The following PPP2R2C variants were observed in gnomAD, a reference collection of about 807,000 sequenced individuals.
PPP2R2C encodes the protein protein phosphatase 2 regulatory subunit Bgamma, also known as protein phosphatase 2, regulatory subunit B, gamma.
In PPP2R2C, 10 loss-of-function variants were observed where a neutral mutation model predicts 45.3. That is an observed-to-expected ratio of 0.22 (90% confidence interval 0.14 to 0.37). The LOEUF is 0.37. Among genes scored for constraint, PPP2R2C ranks in the 10% least tolerant of loss-of-function variants. PPP2R2C has a pLI of 1.00. For synonymous variants in PPP2R2C, 257 were observed against 245.4 expected (o/e 1.05, Z -0.44); for missense variants, 308 against 619.7 (o/e 0.50, Z 5.34).
At chr4:6,383,370 G>A (rs186685022) in intron 1 of PPP2R2C, 936 of 1,289,834 alleles carry the variant, frequency 7.3e-4, no homozygotes, top group Admixed American at 9.0e-4. Flanking sequence ...TATGCACGGG[G>A]TCTCGTGTTT....
In PPP2R2C at chr4:6,378,394, G is replaced by A; in HGVS notation, c.334+13C>T. On this transcript the variant is annotated intron_variant, in intron 3 of 8. Transcript: ENST00000382599. This position sits in a 1 kb window ranked among gnomAD's most constrained non-coding sequence, Gnocchi z 5.2. ...GCCTGTGCCCATGCAAGCGAGGCCG[G>A]GCAGCGCCTCACCGTTGGTGGACAG... 6.2e-7 allele frequency: 1 copy of A among 1,614,112 alleles called. No homozygotes were observed.
At chr4:6,336,047 C>T (rs967868264) in intron 6 of PPP2R2C, among the ~76,000 whole-genome samples, 1 of 152,122 alleles carries the variant, frequency 6.6e-6, no homozygotes, top group African/African-American at 2.4e-5. Context: ...TCGCTCCTTC[C>T]AGTCCTGGCG....
At position 6,471,811 on chromosome 4, in the gene PPP2R2C, T is replaced by G. The variant is rs1721901514; in HGVS notation, c.70+349A>C. ...AACCATTAAATTTCCCCGAGATTTC[T>G]TCACCAGATTAGCCACAGCCGTGGC... is the stretch of plus-strand genomic sequence containing the variant. On this transcript the variant is annotated intron_variant, in intron 1 of 8. Transcript: ENST00000382599. This position sits in a 1 kb window ranked among gnomAD's most constrained non-coding sequence, Gnocchi z 5.6. 3.7e-6 allele frequency: 1 copy of G among 272,074 alleles called. No homozygotes were observed. Among genetic ancestry groups the G allele is most frequent in the Non-Finnish European group, 7.0e-6 (1 of 143,584 alleles). 16.9% of individuals were successfully genotyped at this position (272,074 alleles called of 1,614,324 possible).
At chr4:6,554,698 A>T (rs1725303028) in intron 1 of PPP2R2C, among the ~76,000 whole-genome samples, 1 of 151,890 alleles carries the variant, frequency 6.6e-6, no homozygotes, top group Non-Finnish European at 1.5e-5. Context: ...TGTCTTTACT[A>T]AAAATACAAA....
Position 6,324,434 on chromosome 4 carries a change from A to AAAAAGAAAAG in PPP2R2C, c.1053-851_1053-842dup, listed in dbSNP as rs59527663. Among the ~76,000 whole-genome samples the AAAAAGAAAAG allele has an allele frequency of 2.0e-5, 3 of 150,868 alleles. No individual in the cohort carries two copies. Among genetic ancestry groups the AAAAAGAAAAG allele is most frequent in the African/African-American group, 7.3e-5 (3 of 41,000 alleles). On this transcript the variant is annotated intron_variant, in intron 8 of 8. Coordinates refer to ENST00000382599, the MANE Select transcript of PPP2R2C (RefSeq NM_020416.4). The surrounding 1 kb of genome is among the most constrained non-coding windows in gnomAD (Gnocchi z 4.1). Reference sequence around the variant, plus strand: ...CAATAAGAGCAAAACTCCGTCTCGAAAAAAGAAAAGAAAAGAAAAGAAAAG... The same window carrying AAAAAGAAAAG: ...CAATAAGAGCAAAACTCCGTCTCGAAAAAAGAAAAGAAAAGAAAAGAAAAGAAAAGAAAAG...
rs1318618304 is a variant in PPP2R2C, at chr4:6,381,476, A to G, written c.71-382T>C. 8.1e-6 allele frequency: 11 copies of G among 1,366,024 alleles called. 1 individual carries two copies. In the South Asian group the frequency reaches 1.6e-4, roughly 20 times the overall value. The allele number at this position is 1,366,024 out of a possible 1,614,324, so 84.6% of individuals were successfully genotyped here. On this transcript the variant is annotated intron_variant, in intron 1 of 8. Transcript: ENST00000382599. ...ACCTACCCCTGCCACCCAGGCCCCCATGCTCCAGCAACCTGGGTCAGGGAA... is the reference window on the plus strand; with the variant it reads ...ACCTACCCCTGCCACCCAGGCCCCCGTGCTCCAGCAACCTGGGTCAGGGAA...
At chr4:6,394,464 G>A (rs1242040855) in intron 1 of PPP2R2C, among the ~76,000 whole-genome samples, 1 of 152,266 alleles carries the variant, frequency 6.6e-6, no homozygotes, top group South Asian at 2.1e-4. Context: ...ATGACAGAGA[G>A]AGGAAAAGGG....
chr4:6,348,323 A>G (rs1712200196), intron 5 of PPP2R2C, among the ~76,000 whole-genome samples: 1 of 151,490 alleles, frequency 6.6e-6, no homozygotes, highest in Non-Finnish European at 1.5e-5. Flanking sequence ...CACACATAGC[A>G]CTGACCTGTG....
At chr4:6,520,477 G>A (rs1012734478) in intron 2 of PPP2R2C, among the ~76,000 whole-genome samples, 2 of 152,186 alleles carry the variant, frequency 1.3e-5, no homozygotes, top group African/African-American at 4.8e-5. Flanking sequence ...ATACTGTCAG[G>A]GTGACAAATG....
At chr4:6,460,016 G>A (rs1177978974) in intron 1 of PPP2R2C, among the ~76,000 whole-genome samples, 1 of 152,056 alleles carries the variant, frequency 6.6e-6, no homozygotes, top group East Asian at 1.9e-4. Flanking sequence ...GTGCAAAGAT[G>A]CCCTCACAAC....
chr4:6,502,183 G>C lies in PPP2R2C; in HGVS notation c.49+33088C>G, dbSNP rs370423657. On this transcript the variant is annotated intron_variant, in intron 2 of 9. Transcript: ENST00000506140. ...CATATCTGTGATCAGAGCCCCTCAG[G>C]GTGGGGTAAATGAGTCCCACCTTCG... is the stretch of plus-strand genomic sequence containing the variant. 2.0e-5 allele frequency among the ~76,000 whole-genome samples: 3 copies of C among 152,162 alleles called. 1 individual carries two copies. The South Asian group carries it at 6.2e-4, about 32-fold the overall frequency.
intron 1 of PPP2R2C, chr4:6,384,840 G>A (rs1056290978): frequency 5.5e-5 from 54 of 985,452 alleles, no homozygotes; most frequent in Middle Eastern, 5.2e-4. Context: ...GAGAGACTAC[G>A]CCATGAGCTC....
chr4:6,405,456 A>G (rs1230568693), intron 1 of PPP2R2C, among the ~76,000 whole-genome samples: 1 of 152,246 alleles, frequency 6.6e-6, no homozygotes, highest in Non-Finnish European at 1.5e-5. Context: ...AACAGACCAC[A>G]GGGAGGATAA....
At chr4:6,371,918 C>T (rs1714859905) in intron 5 of PPP2R2C, among the ~76,000 whole-genome samples, 1 of 152,214 alleles carries the variant, frequency 6.6e-6, no homozygotes, top group Admixed American at 6.5e-5. Flanking sequence ...CCAAGCCTCG[C>T]CCTGCCTGCA....
At chr4:6,401,653 G>C (rs1208088609) in intron 1 of PPP2R2C, among the ~76,000 whole-genome samples, 2 of 152,126 alleles carry the variant, frequency 1.3e-5, no homozygotes, top group African/African-American at 4.8e-5. Context: ...TCATGAGCCT[G>C]AGAGCCCTCT....
intron 1 of PPP2R2C, among the ~76,000 whole-genome samples, chr4:6,398,558 T>G (rs1226653119): frequency 6.6e-6 from 1 of 151,942 alleles, no homozygotes; most frequent in Non-Finnish European, 1.5e-5. Context: ...GAGATACCAG[T>G]GTACACCCAT....
intron 1 of PPP2R2C, among the ~76,000 whole-genome samples, chr4:6,465,005 C>T (rs1721521878): frequency 6.6e-6 from 1 of 152,088 alleles, no homozygotes; most frequent in Non-Finnish European, 1.5e-5. Flanking sequence ...ACATGTATCA[C>T]AGGAATAGTA....
chr4:6,492,945 C>T (rs978667649), intron 2 of PPP2R2C, among the ~76,000 whole-genome samples: 1 of 152,100 alleles, frequency 6.6e-6, no homozygotes, highest in East Asian at 1.9e-4. Flanking sequence ...GGCCTGGGGA[C>T]CCTATAGGAT....
intron 1 of PPP2R2C, among the ~76,000 whole-genome samples, chr4:6,559,434 A>G (rs1486347890): frequency 2.0e-5 from 3 of 150,118 alleles, no homozygotes; most frequent in African/African-American, 7.5e-5. Flanking sequence ...CACACACAGA[A>G]CAGAGGCAAA....
Sources: gnomAD v4.1 joint callset for allele counts (sites outside exome capture counted in the v4.1 genomes callset) on GRCh38, gnomAD v4.1.1 for gene constraint, Gnocchi (gnomAD v3.1) non-coding constraint, MANE v1.5 for transcripts, NCBI Gene and HGNC (gene_info 2026-07-23, HGNC 2026-07-21) for gene names.